ZNF385D: variants seen among roughly 807,000 people sequenced by gnomAD.
ZNF385D encodes zinc finger protein 385D, also known as zinc finger protein 659.
ZNF385D carries 15 observed loss-of-function variants against 35.8 expected under a neutral mutation model. That is an observed-to-expected ratio of 0.42 (90% CI 0.28 to 0.64). The LOEUF is 0.64. ZNF385D is among the 30% of genes least tolerant of loss of function. The pLI, the probability that ZNF385D is intolerant of heterozygous loss-of-function variation, is 0.23. For missense variants in ZNF385D, 474 were observed against 494.6 expected (o/e 0.96, Z 0.39); for synonymous variants, 212 against 186.8 (o/e 1.13, Z -1.10).
chr3:22,153,801 C>T (rs1007856985), intron 3 of ZNF385D, among the ~76,000 whole-genome samples: 7 of 152,046 alleles, frequency 4.6e-5, no homozygotes, highest in Admixed American at 1.3e-4. Flanking sequence ...GTAGTGGGCC[C>T]TACAAATTGT....
Position 21,421,314 on chromosome 3 carries a change from G to C in ZNF385D, c.1088C>G (p.Ala363Gly). The change falls in exon 8 of 8, where the codon GCA (alanine) becomes GGA (glycine). Residue 363 changes from alanine (A) to glycine (G), a missense_variant. Ala to Gly is a moderately conservative substitution (Grantham distance 60, BLOSUM62 0). Coordinates refer to ENST00000281523, the MANE Select transcript of ZNF385D (RefSeq NM_024697.3). ...AAGCGCGGAAGTCTGGAACAGTGTT[G>C]CTGCTGGAGCAGTTCGAAGACTGAA... ...SPFSLRTAPAATLFQTSALPP... is the reference protein window; with the variant it reads ...SPFSLRTAPAGTLFQTSALPP... 6.2e-7 allele frequency: 1 copy of C among 1,613,992 alleles called. No individual in the cohort carries two copies. Among genetic ancestry groups the C allele is most frequent in the Non-Finnish European group, 8.5e-7 (1 of 1,179,942 alleles).
intron 3 of ZNF385D, among the ~76,000 whole-genome samples, chr3:21,883,725 G>C (rs188516585): frequency 6.6e-6 from 1 of 152,154 alleles, no homozygotes; most frequent in East Asian, 1.9e-4. Context: ...TTTCATTTTT[G>C]TTACATTCCA....
chr3:21,469,505 T>G (rs1278804018), intron 4 of ZNF385D, among the ~76,000 whole-genome samples: 4 of 152,076 alleles, frequency 2.6e-5, no homozygotes, highest in African/African-American at 9.7e-5. Context: ...GTTTAGGGAG[T>G]GCGAAAACAA....
chr3:21,762,772 C>A (rs1432388610), intron 3 of ZNF385D, among the ~76,000 whole-genome samples: 1 of 152,028 alleles, frequency 6.6e-6, no homozygotes, highest in Admixed American at 6.6e-5. Flanking sequence ...AGGTTTTGGC[C>A]CTTGGTCGTG....
At chr3:21,685,790 A>G (rs1206319847) in intron 1 of ZNF385D, among the ~76,000 whole-genome samples, 5 of 152,232 alleles carry the variant, frequency 3.3e-5, no homozygotes, top group Non-Finnish European at 2.9e-5. Flanking sequence ...CCTAATTTAG[A>G]AAATGAAGTG....
chr3:21,918,041 A>G (rs1487025118), intron 3 of ZNF385D, among the ~76,000 whole-genome samples: 4 of 152,200 alleles, frequency 2.6e-5, no homozygotes, highest in Non-Finnish European at 5.9e-5. Flanking sequence ...TTGTGCTTTG[A>G]CTTAGAGATG....
intron 3 of ZNF385D, among the ~76,000 whole-genome samples, chr3:21,973,235 T>G (rs941979724): frequency 2.0e-5 from 3 of 151,944 alleles, no homozygotes; most frequent in African/African-American, 7.2e-5. Context: ...AGTTGGACTT[T>G]TTTCCAGGGA....
chr3:21,486,646 T>A (rs1705050870), intron 4 of ZNF385D, among the ~76,000 whole-genome samples: 1 of 152,116 alleles, frequency 6.6e-6, no homozygotes, highest in Admixed American at 6.6e-5. Context: ...AGTTCAAATG[T>A]AAAATATAAA....
At chr3:21,730,114 G>A (rs374408699) in intron 1 of ZNF385D, among the ~76,000 whole-genome samples, 11 of 152,252 alleles carry the variant, frequency 7.2e-5, no homozygotes, top group South Asian at 2.1e-4. Context: ...ACAGACACAC[G>A]CATCCAGGGA....
intron 2 of ZNF385D, among the ~76,000 whole-genome samples, chr3:22,193,062 A>G (rs572232718): frequency 6.6e-6 from 1 of 152,230 alleles, no homozygotes; most frequent in Non-Finnish European, 1.5e-5. Flanking sequence ...ATAAGACAAG[A>G]GTAACCGTTT....
chr3:22,324,843 T>C (rs1335210511), intron 2 of ZNF385D, among the ~76,000 whole-genome samples: 1 of 152,148 alleles, frequency 6.6e-6, no homozygotes, highest in Non-Finnish European at 1.5e-5. Flanking sequence ...AAGTGGTCTT[T>C]TTTGGAGACA....
chr3:21,951,180 A>G (rs976725133), intron 3 of ZNF385D, among the ~76,000 whole-genome samples: 2 of 151,816 alleles, frequency 1.3e-5, no homozygotes, highest in African/African-American at 4.9e-5. Context: ...GTCCATGAAC[A>G]TGGAATGTTT....
intron 1 of ZNF385D, among the ~76,000 whole-genome samples, chr3:21,696,363 A>G (rs189735286): frequency 1.3e-5 from 2 of 151,946 alleles, no homozygotes; most frequent in East Asian, 3.9e-4. Flanking sequence ...TCTTATGCCT[A>G]AGCATGCTGG....
intron 1 of ZNF385D, among the ~76,000 whole-genome samples, chr3:21,740,753 G>A (rs2069474786): frequency 6.6e-6 from 1 of 152,162 alleles, no homozygotes; most frequent in Non-Finnish European, 1.5e-5. Context: ...GTGACCTGGG[G>A]CAATGTGGAA....
At chr3:21,425,993 A>G (rs1228762167) in intron 5 of ZNF385D, among the ~76,000 whole-genome samples, 2 of 152,180 alleles carry the variant, frequency 1.3e-5, no homozygotes, top group African/African-American at 4.8e-5. Context: ...GGGAAATGAA[A>G]TGGGTGTGAC....
At chr3:21,583,946 T>TTTTATTTA (rs1362454558) in intron 2 of ZNF385D, among the ~76,000 whole-genome samples, 11 of 137,230 alleles carry the variant, frequency 8.0e-5, no homozygotes, top group South Asian at 2.2e-4. Flanking sequence ...CATGTATTTA[T>TTTTATTTA]TTTACTTATT....
At chr3:21,440,577 G>T (rs1030743717) in intron 4 of ZNF385D, among the ~76,000 whole-genome samples, 1 of 151,992 alleles carries the variant, frequency 6.6e-6, no homozygotes, top group Admixed American at 6.6e-5. Flanking sequence ...AATAAAGAAT[G>T]GGCTTTAGTT....
chr3:22,162,040 A>G (rs1473094891), intron 3 of ZNF385D, among the ~76,000 whole-genome samples: 1 of 152,176 alleles, frequency 6.6e-6, no homozygotes, highest in East Asian at 1.9e-4. Context: ...GATTCAACAA[A>G]TGATGTATAT....
intron 4 of ZNF385D, among the ~76,000 whole-genome samples, chr3:21,499,357 C>G (rs1706192084): frequency 1.3e-5 from 2 of 152,084 alleles, no homozygotes; most frequent in Admixed American, 1.3e-4. Context: ...GGGCCATTAT[C>G]CTAAGCGAAC....
Sources: gnomAD v4.1 joint callset for allele counts (sites outside exome capture counted in the v4.1 genomes callset) on GRCh38, gnomAD v4.1.1 for gene constraint, MANE v1.5 for transcripts, NCBI Gene and HGNC (gene_info 2026-07-23, HGNC 2026-07-21) for gene names.